SUPT3H: variants seen among roughly 807,000 people sequenced by gnomAD.
SUPT3H encodes SPT3 homolog, SAGA and STAGA complex component, also known as transcription initiation protein SPT3 homolog.
A neutral mutation model predicts 44.3 loss-of-function variants in SUPT3H; 44 were observed. The ratio of observed to expected loss-of-function variants is 0.99; its 90% CI spans 0.78 to 1.28. SUPT3H has a LOEUF of 1.28. Among genes scored for constraint, SUPT3H ranks in the 50% most tolerant of loss-of-function variants. SUPT3H has a pLI of 0.00. For missense variants in SUPT3H, 380 were observed against 387.1 expected (o/e 0.98, Z 0.15); for synonymous variants, 124 against 125.6 (o/e 0.99, Z 0.09).
At chr6:45,264,544 T>C (rs142578190) in intron 2 of SUPT3H, among the ~76,000 whole-genome samples, 228 of 152,224 alleles carry the variant, frequency 1.5e-3, no homozygotes, top group African/African-American at 5.2e-3. Flanking sequence ...CCTGTAGTCA[T>C]TAAGATTTAA....
intron 6 of SUPT3H, among the ~76,000 whole-genome samples, chr6:44,976,283 C>T (rs1375889499): frequency 6.6e-6 from 1 of 152,140 alleles, no homozygotes; most frequent in Non-Finnish European, 1.5e-5. Flanking sequence ...ATCAAAAATG[C>T]TTTGCTTCAG....
chr6:44,935,318 CA>C (rs1185879133), intron 9 of SUPT3H, among the ~76,000 whole-genome samples: 1 of 152,088 alleles, frequency 6.6e-6, no homozygotes, highest in Admixed American at 6.6e-5. Context: ...TTATATTCTT[CA>C]AAATTGCTTC....
At chr6:45,044,520 T>C (rs1789072213) in intron 3 of SUPT3H, among the ~76,000 whole-genome samples, 1 of 152,188 alleles carries the variant, frequency 6.6e-6, no homozygotes, top group Admixed American at 6.5e-5. Flanking sequence ...TACCTTATTA[T>C]GCATCCAAAC....
intron 2 of SUPT3H, among the ~76,000 whole-genome samples, chr6:45,178,916 G>A (rs1429657189): frequency 6.6e-6 from 1 of 151,664 alleles, no homozygotes; most frequent in African/African-American, 2.4e-5. Context: ...ATTCAAAGCA[G>A]TGTGTAGAGG....
In SUPT3H at chr6:44,999,718, C is replaced by T. The variant is rs73737814; in HGVS notation, c.504+3935G>A. Among the ~76,000 whole-genome samples, 1,320 of 152,112 alleles carry T rather than the reference C, an allele frequency of 8.7e-3. 23 individuals are homozygous for T. Among genetic ancestry groups the T allele is most frequent in the African/African-American group, 0.03 (1,244 of 41,528 alleles). ...TGGGGATGGTGTGTTCTAGTCTCCA[C>T]AACAAATGTTTTTCTCTGACCTCTC... On this transcript the variant is annotated intron_variant, in intron 6 of 10. Coordinates refer to ENST00000371459, the MANE Select transcript of SUPT3H (RefSeq NM_003599.4).
chr6:45,122,032 T>TAA (rs1396984203), intron 2 of SUPT3H, among the ~76,000 whole-genome samples: 5 of 109,288 alleles, frequency 4.6e-5, no homozygotes, highest in African/African-American at 1.4e-4. Context: ...ATCTTTCATT[T>TAA]AAAAACAAAA....
chr6:45,353,035 A>C (rs1253166799), intron 2 of SUPT3H, among the ~76,000 whole-genome samples: 1 of 152,064 alleles, frequency 6.6e-6, no homozygotes, highest in Non-Finnish European at 1.5e-5. Flanking sequence ...AAAACTGAGA[A>C]GTTCTTCAGA....
chr6:45,090,066 T>G (rs1219275706), intron 3 of SUPT3H, among the ~76,000 whole-genome samples: 2 of 152,078 alleles, frequency 1.3e-5, no homozygotes, highest in Admixed American at 1.3e-4. Flanking sequence ...TATCAACCAA[T>G]AGCTGAATTT....
intron 2 of SUPT3H, among the ~76,000 whole-genome samples, chr6:45,109,913 T>C (rs1053924599): frequency 2.6e-5 from 4 of 152,198 alleles, no homozygotes; most frequent in African/African-American, 7.2e-5. Flanking sequence ...TCCTAATCAA[T>C]AGATTCTGAT....
At chr6:44,943,563 T>C (rs1452602702) in intron 9 of SUPT3H, among the ~76,000 whole-genome samples, 1 of 152,014 alleles carries the variant, frequency 6.6e-6, no homozygotes, top group African/African-American at 2.4e-5. Context: ...TTCGGCAGGA[T>C]AAATACAAAG....
rs58120512 is a variant in SUPT3H, at chr6:45,100,541, T to TAAAAAAA, written c.186+5374_186+5380dup. On this transcript the variant is annotated intron_variant, in intron 3 of 10. Coordinates refer to ENST00000371459, the MANE Select transcript of SUPT3H (RefSeq NM_003599.4). ...GGGCATCATAGCAAGACCCTGTACT[T>TAAAAAAA]AAAAAAAAAAAAAAAAAAAAAAAGA... 5.4e-3 allele frequency among the ~76,000 whole-genome samples: 180 copies of TAAAAAAA among 33,444 alleles called. 37 individuals are homozygous for TAAAAAAA. The highest frequency in any genetic ancestry group is 0.013 in the African/African-American group (73 of 5,656). The allele number at this position is 33,444 out of a possible 152,430, so 21.9% of individuals were successfully genotyped here.
chr6:45,320,657 C>T (rs566857561), intron 2 of SUPT3H, among the ~76,000 whole-genome samples: 67 of 152,202 alleles, frequency 4.4e-4, no homozygotes, highest in Middle Eastern at 6.8e-3. Flanking sequence ...TGCTTTCACA[C>T]GGCAATGGCA....
chr6:45,209,527 T>C (rs1386168778), intron 2 of SUPT3H, among the ~76,000 whole-genome samples: 2 of 152,204 alleles, frequency 1.3e-5, no homozygotes, highest in South Asian at 2.1e-4. Context: ...GAATTAGAAG[T>C]AGAGCCTGTT....
intron 2 of SUPT3H, among the ~76,000 whole-genome samples, chr6:45,176,074 A>G (rs1424590956): frequency 6.6e-6 from 1 of 152,178 alleles, no homozygotes; most frequent in African/African-American, 2.4e-5. Flanking sequence ...GGGAGGAGCC[A>G]AGATGGCCGA....
At chr6:45,018,825 C>T (rs1784694354) in intron 4 of SUPT3H, among the ~76,000 whole-genome samples, 1 of 151,854 alleles carries the variant, frequency 6.6e-6, no homozygotes, top group Non-Finnish European at 1.5e-5. Context: ...GGTTGTGTCT[C>T]TGCCCAGCTT....
chr6:45,097,958 AGGATTGTGGC>A, intron 3 of SUPT3H: 1 of 152,798 alleles, frequency 6.5e-6, no homozygotes, highest in South Asian at 2.1e-4. Flanking sequence ...TGGGTCTGAT[AGGATTGTGGC>A]GGTCCTCTCT....
At chr6:44,970,759 T>C (rs1187807346) in intron 6 of SUPT3H, among the ~76,000 whole-genome samples, 2 of 152,186 alleles carry the variant, frequency 1.3e-5, no homozygotes, top group Admixed American at 1.3e-4. Flanking sequence ...TTAAATATTT[T>C]GGTCATTTTG....
At chr6:44,925,102 C>T (rs1057016786) in intron 10 of SUPT3H, among the ~76,000 whole-genome samples, 1 of 152,118 alleles carries the variant, frequency 6.6e-6, no homozygotes, top group Non-Finnish European at 1.5e-5. Flanking sequence ...TATTTTCGAT[C>T]CCTATTAGTC....
At chr6:45,362,410 G>A (rs1440605174) in intron 2 of SUPT3H, among the ~76,000 whole-genome samples, 1 of 152,186 alleles carries the variant, frequency 6.6e-6, no homozygotes, top group Non-Finnish European at 1.5e-5. Flanking sequence ...GCAGTAGGGA[G>A]TCACAGAATG....
Sources: allele counts gnomAD v4.1 joint callset (sites outside exome capture counted in the v4.1 genomes callset), GRCh38; gene constraint gnomAD v4.1.1; transcripts MANE v1.5; gene names NCBI Gene and HGNC (gene_info 2026-07-23, HGNC 2026-07-21).